The following TYR variants were observed in gnomAD, a reference collection of about 807,000 sequenced individuals.
TYR encodes tyrosinase.
TYR carries 58 observed loss-of-function variants against 51.5 expected under a neutral mutation model. The observed-to-expected ratio is 1.13, with a 90% CI of 0.91 to 1.40. The LOEUF (loss-of-function observed/expected upper bound fraction) is 1.40. TYR is among the 40% of genes most tolerant of loss of function. The probability of loss-of-function intolerance (pLI) is 0.00; values close to 1 mark genes in which losing one functional copy is unlikely to be tolerated. For synonymous variants in TYR, 263 were observed against 235.2 expected (o/e 1.12, Z -1.08); for missense variants, 732 against 647.4 (o/e 1.13, Z -1.42).
At chr11:89,199,992 A>G (rs1377779621) in intron 2 of TYR, among the ~76,000 whole-genome samples, 1 of 152,238 alleles carries the variant, frequency 6.6e-6, no homozygotes, top group African/African-American at 2.4e-5. Context: ...CTTCCTTGGG[A>G]TAAGTCTTGG....
At chr11:89,245,377 A>G (rs4601783) in intron 3 of TYR, among the ~76,000 whole-genome samples, 82,696 of 152,038 alleles carry the variant, frequency 0.54, 23,359 homozygotes, top group African/African-American at 0.71. Context: ...TTAAGTAACC[A>G]GTACTAAATA....
chr11:89,242,878 G>A (rs1417205292), intron 3 of TYR, among the ~76,000 whole-genome samples: 2 of 152,186 alleles, frequency 1.3e-5, no homozygotes, highest in Admixed American at 1.3e-4. Context: ...AGGGAGCATA[G>A]TGTGGTAATG....
intron 3 of TYR, among the ~76,000 whole-genome samples, chr11:89,238,414 G>A (rs188280551): frequency 4.6e-5 from 7 of 152,152 alleles, no homozygotes; most frequent in African/African-American, 1.7e-4. Context: ...GTATGGAAAT[G>A]CTACTGATTT....
At chr11:89,238,387 G>T (rs1036257387) in intron 3 of TYR, among the ~76,000 whole-genome samples, 2 of 151,632 alleles carry the variant, frequency 1.3e-5, no homozygotes, top group African/African-American at 4.8e-5. Context: ...ACTTTTTTTG[G>T]ATAGTTCATT....
At position 89,191,246 on chromosome 11, in the gene TYR, A is replaced by T. The variant is rs371985121; in HGVS notation, c.864A>T (p.Leu288Phe). Residue 288 changes from leucine to phenylalanine, a missense_variant, in exon 2 of 5, where the codon TTA (leucine) becomes TTT (phenylalanine). By Grantham distance (22) the Leu-to-Phe change is conservative (BLOSUM62 0). Transcript: ENST00000263321. ...RLEEYNSHQS[L>F]CNGTPEGPLR... is the part of the protein sequence containing the mutation. ...AGGAGTACAACAGCCATCAGTCTTT[A>T]TGCAATGGAACGCCCGAGGGACCTT... 72 of 1,613,606 alleles carry T rather than the reference A, an allele frequency of 4.5e-5. No homozygotes were observed. Among genetic ancestry groups the T allele is most frequent in the Non-Finnish European group, 5.6e-5 (66 of 1,179,728 alleles).
chr11:89,250,568 C>A (rs949778619), intron 3 of TYR, among the ~76,000 whole-genome samples: 1 of 151,876 alleles, frequency 6.6e-6, no homozygotes, highest in Non-Finnish European at 1.5e-5. Flanking sequence ...TATTTTCTCA[C>A]AATTCTGGGG....
chr11:89,210,462 G>A (rs11018534), intron 2 of TYR, among the ~76,000 whole-genome samples: 30,086 of 152,116 alleles, frequency 0.2, 3,796 homozygotes, highest in Non-Finnish European at 0.28. Flanking sequence ...ATAAATATGG[G>A]ACTATTTGAA....
At chr11:89,185,388 C>T (rs568731108) in intron 1 of TYR, among the ~76,000 whole-genome samples, 2 of 152,226 alleles carry the variant, frequency 1.3e-5, no homozygotes, top group Admixed American at 1.3e-4. Flanking sequence ...GAGCACTCAA[C>T]ACATACTTTT....
intron 4 of TYR, among the ~76,000 whole-genome samples, chr11:89,288,037 G>A (rs978629498): frequency 6.6e-6 from 1 of 151,868 alleles, no homozygotes; most frequent in Non-Finnish European, 1.5e-5. Flanking sequence ...AATAACAAGA[G>A]GAGCAAAGAA....
At chr11:89,227,730 C>T (rs1005274377) in intron 2 of TYR, 93 bp from the exon 3 acceptor site, 1 of 1,118,428 alleles carries the variant, frequency 8.9e-7, no homozygotes, top group Non-Finnish European at 1.3e-6. Flanking sequence ...TTGAAACAGT[C>T]TTCAAGTTAT....
At chr11:89,203,213 T>C (rs1436857394) in intron 2 of TYR, among the ~76,000 whole-genome samples, 1 of 152,206 alleles carries the variant, frequency 6.6e-6, no homozygotes, top group African/African-American at 2.4e-5. Context: ...ATTTTACGGA[T>C]AGGGAACCTG....
intron 3 of TYR, among the ~76,000 whole-genome samples, chr11:89,270,594 G>T (rs886336253): frequency 6.6e-6 from 1 of 151,806 alleles, no homozygotes; most frequent in African/African-American, 2.4e-5. Flanking sequence ...TCAACCCAAA[G>T]TCATCAACAT....
intron 1 of TYR, among the ~76,000 whole-genome samples, chr11:89,187,875 G>A (rs1943395843): frequency 6.6e-6 from 1 of 151,364 alleles, no homozygotes; most frequent in Non-Finnish European, 1.5e-5. Flanking sequence ...TCACCTAACA[G>A]GTATGTTTAT....
chr11:89,178,546 T>A lies in TYR; in HGVS notation c.593T>A (p.Ile198Asn), dbSNP rs750553908. 1.2e-6 allele frequency: 2 copies of A among 1,614,074 alleles called. No homozygotes were observed. Among genetic ancestry groups the A allele is most frequent in the African/African-American group, 1.3e-5 (1 of 74,932 alleles). Residue 198 changes from isoleucine (I) to asparagine (N), a missense_variant, in exon 1 of 5, where the codon ATT becomes AAT. Coordinates refer to ENST00000263321, the MANE Select transcript of TYR (RefSeq NM_000372.5). ...LLGGSEIWRD[I>N]DFAHEAPAFL... The stretch of plus-strand genomic sequence containing the variant: ...GGGGGATCTGAAATCTGGAGAGACA[T>A]TGATTTTGCCCATGAAGCACCAGCT...
At chr11:89,209,128 G>T (rs1943715140) in intron 2 of TYR, among the ~76,000 whole-genome samples, 1 of 152,230 alleles carries the variant, frequency 6.6e-6, no homozygotes, top group Non-Finnish European at 1.5e-5. Context: ...ACCAAAGCAG[G>T]ATGGGGGGTC....
intron 3 of TYR, among the ~76,000 whole-genome samples, chr11:89,256,862 G>C (rs1267638596): frequency 6.6e-6 from 1 of 151,908 alleles, no homozygotes; most frequent in Admixed American, 6.6e-5. Flanking sequence ...CTGAGTAGGA[G>C]GCTTTAGTCA....
intron 2 of TYR, among the ~76,000 whole-genome samples, chr11:89,194,543 T>G (rs1379983118): frequency 6.6e-6 from 1 of 152,222 alleles, no homozygotes; most frequent in African/African-American, 2.4e-5. Context: ...TCTTCTACAG[T>G]TGGCATCGTC....
intron 3 of TYR, among the ~76,000 whole-genome samples, chr11:89,238,556 T>G (rs1035983470): frequency 1.3e-5 from 2 of 152,180 alleles, no homozygotes; most frequent in Non-Finnish European, 2.9e-5. Context: ...AATTTCTTCC[T>G]TTCTAATTTG....
intron 3 of TYR, among the ~76,000 whole-genome samples, chr11:89,246,592 GA>G (rs1178578937): frequency 6.6e-6 from 1 of 152,104 alleles, no homozygotes; most frequent in Non-Finnish European, 1.5e-5. Context: ...TACATTCCAG[GA>G]ATGGCCAGCC....
Sources: gnomAD v4.1 joint callset for allele counts (sites outside exome capture counted in the v4.1 genomes callset) on GRCh38, gnomAD v4.1.1 for gene constraint, MANE v1.5 for transcripts, NCBI Gene and HGNC (gene_info 2026-07-23, HGNC 2026-07-21) for gene names.